NFYB: variants seen among roughly 807,000 people sequenced by gnomAD.
NFYB encodes the protein nuclear transcription factor Y subunit beta.
In NFYB, 13 loss-of-function variants were observed where a neutral mutation model predicts 28.0. The ratio of observed to expected loss-of-function variants is 0.46; its 90% confidence interval spans 0.30 to 0.74. The LOEUF is 0.74. NFYB is among the 30% of genes least tolerant of loss of function. The pLI is 0.07. For missense variants in NFYB, 142 were observed against 247.6 expected, an observed-to-expected ratio of 0.57 and a Z score of 2.86; for synonymous variants, 74 against 75.0, an observed-to-expected ratio of 0.99 and a Z score of 0.07.
At chr12:104,124,744 T>C (rs1400616493) in intron 4 of NFYB, among the ~76,000 whole-genome samples, 1 of 152,236 alleles carries the variant, frequency 6.6e-6, no homozygotes, top group Non-Finnish European at 1.5e-5. Context: ...ACCAGCCACA[T>C]TTCAGGTGCT....
chr12:104,127,265 C>A (rs1031322310), intron 3 of NFYB, among the ~76,000 whole-genome samples: 1 of 152,148 alleles, frequency 6.6e-6, no homozygotes, highest in Non-Finnish European at 1.5e-5. Flanking sequence ...AAATATATCT[C>A]AATTTTTAAA....
rs764447087 is a variant in NFYB, at chr12:104,120,411, A to G, written c.580T>C (p.Ser194Pro). ...ACAAAGGACTGTACCTGTTGATATGATGTTGTGTAAACCATAACATTTTGT... is the reference window on the plus strand; with the variant it reads ...ACAAAGGACTGTACCTGTTGATATGGTGTTGTGTAAACCATAACATTTTGT... ...QQQNVMVYTT[S>P]YQQISGVQQI... The change falls in exon 7 of 8, where the codon TCA becomes CCA. Residue 194 changes from serine to proline, a missense_variant. Transcript: ENST00000240055. 4 of 1,613,144 alleles carry G rather than the reference A, an allele frequency of 2.5e-6. 1 individual carries two copies. The South Asian group carries it at 4.4e-5, about 18-fold the overall frequency.
intron 4 of NFYB, among the ~76,000 whole-genome samples, chr12:104,123,644 T>A (rs1035101114): frequency 6.6e-6 from 1 of 152,140 alleles, no homozygotes; most frequent in African/African-American, 2.4e-5. Context: ...TGACAACTAT[T>A]TACAGAAACA....
chr12:104,125,099 A>G (rs1330680123), intron 4 of NFYB: 2 of 152,324 alleles, frequency 1.3e-5, no homozygotes, highest in East Asian at 3.9e-4. Context: ...TATCAATTTA[A>G]ATGTATCTTA....
intron 1 of NFYB, among the ~76,000 whole-genome samples, chr12:104,135,736 A>G (rs770524517): frequency 6.6e-6 from 1 of 152,250 alleles, no homozygotes; most frequent in South Asian, 2.1e-4. Flanking sequence ...TTTATTTTGG[A>G]GAACTTAAAA....
intron 7 of NFYB, among the ~76,000 whole-genome samples, 176 bp from the exon 8 acceptor site, chr12:104,119,945 TAA>T (rs1190176939): frequency 1.3e-5 from 2 of 152,320 alleles, no homozygotes; most frequent in Non-Finnish European, 2.9e-5. Flanking sequence ...TTTTAACTAT[TAA>T]GAGAACACTA....
At chr12:104,131,572 C>T (rs1390506800) in intron 2 of NFYB, 2 of 354,090 alleles carry the variant, frequency 5.6e-6, no homozygotes, top group South Asian at 2.1e-5. Context: ...TCAACCTAAT[C>T]TTTGATGCTT....
Position 104,121,331 on chromosome 12 carries a change from GAAA to G in NFYB, c.430-13_430-11del. 4 of 1,251,262 alleles carry G rather than the reference GAAA, an allele frequency of 3.2e-6. No homozygotes were observed. The highest frequency in any genetic ancestry group is 2.2e-6 in the Non-Finnish European group (2 of 922,488). The allele number at this position is 1,251,262 out of a possible 1,614,324, so 77.5% of individuals were successfully genotyped here. ...TTTCTCCTTTCATAGCCTGAGGAAG[GAAA>G]AAAAAAAAGTCACTGATATTCAAAT... On this transcript the variant is annotated splice_polypyrimidine_tract_variant and intron_variant, in intron 5 of 7. Coordinates refer to ENST00000240055, the MANE Select transcript of NFYB (RefSeq NM_006166.4).
intron 5 of NFYB, among the ~76,000 whole-genome samples, chr12:104,121,612 A>G (rs2030480060): frequency 6.6e-6 from 1 of 152,228 alleles, no homozygotes; most frequent in African/African-American, 2.4e-5. Flanking sequence ...AACTCTACTT[A>G]CAGATGAAGA....
At chr12:104,131,075 CACAA>C (rs919544648) in intron 2 of NFYB, 1 of 152,174 alleles carries the variant, frequency 6.6e-6, no homozygotes, top group African/African-American at 2.4e-5. Context: ...AGAAATATAA[CACAA>C]ACAAAAGTAT....
chr12:104,119,863 A>AT, intron 7 of NFYB, 94 bp from the exon 8 acceptor site: 2 of 768,628 alleles, frequency 2.6e-6, no homozygotes, highest in South Asian at 3.3e-5. Flanking sequence ...TAAAAAGACA[A>AT]TAACAAGTCT....
In NFYB at chr12:104,128,476, T is replaced by G. The variant is rs578225042; in HGVS notation, c.48A>C (p.Gly16=). ...TTCCTCCAATATAGTCTGCAGAGATTCCTAGTTGAGAAGCATCTGTTGTAG... is the reference window on the plus strand; with the variant it reads ...TTCCTCCAATATAGTCTGCAGAGATGCCTAGTTGAGAAGCATCTGTTGTAG... ...DSSTTDASQL[G]ISADYIGGSH... is the part of the protein sequence containing the mutation. Residue 16 remains glycine, a synonymous_variant, in exon 3 of 8, where the codon GGA becomes GGC. Coordinates refer to ENST00000240055, the MANE Select transcript of NFYB (RefSeq NM_006166.4). 1 of 1,612,982 alleles carries G rather than the reference T, an allele frequency of 6.2e-7. No individual in the cohort carries two copies. Among genetic ancestry groups the G allele is most frequent in the East Asian group, 2.2e-5 (1 of 44,728 alleles).
chr12:104,131,931 C>A (rs1296206234), intron 2 of NFYB: 3 of 360,948 alleles, frequency 8.3e-6, no homozygotes, highest in Non-Finnish European at 1.1e-5. Flanking sequence ...GAATTCCCTG[C>A]CACTTACCAT....
chr12:104,137,245 G>C (rs1451110506), intron 1 of NFYB: 2 of 152,216 alleles, frequency 1.3e-5, no homozygotes, highest in Admixed American at 1.3e-4. Context: ...CTTTGGGCGA[G>C]ATTACGATTT....
intron 6 of NFYB, 31 bp downstream of exon 6, chr12:104,121,209 T>A: frequency 6.5e-7 from 1 of 1,535,530 alleles, no homozygotes. Context: ...TTGCTAACAA[T>A]CTACATGACT....
chr12:104,122,334 ATAT>A (rs1431138170), intron 5 of NFYB, among the ~76,000 whole-genome samples: 1 of 152,256 alleles, frequency 6.6e-6, no homozygotes, highest in Non-Finnish European at 1.5e-5. Context: ...TTAAATCATT[ATAT>A]AACTATGCTA....
intron 5 of NFYB, among the ~76,000 whole-genome samples, chr12:104,122,058 CT>C (rs1365344214): frequency 6.6e-6 from 1 of 152,186 alleles, no homozygotes; most frequent in Non-Finnish European, 1.5e-5. Flanking sequence ...ATACCTTCCT[CT>C]TTTTATTATC....
intron 5 of NFYB, 59 bp downstream of exon 5, chr12:104,123,167 C>T: frequency 7.5e-7 from 1 of 1,331,642 alleles, no homozygotes; most frequent in Non-Finnish European, 1.0e-6. Context: ...CAGAGCGATA[C>T]TCCACCTCAA....
At chr12:104,135,851 A>G (rs775709834) in intron 1 of NFYB, among the ~76,000 whole-genome samples, 6 of 152,228 alleles carry the variant, frequency 3.9e-5, no homozygotes, top group Admixed American at 2.6e-4. Flanking sequence ...AAAAGGGACC[A>G]AATTATATAA....
Sources: allele counts gnomAD v4.1 joint callset (sites outside exome capture counted in the v4.1 genomes callset), GRCh38; gene constraint gnomAD v4.1.1; transcripts MANE v1.5; gene names NCBI Gene and HGNC (gene_info 2026-07-23, HGNC 2026-07-21).